Variants in VWA3B observed in about 807,000 individuals in gnomAD.
VWA3B encodes the protein von Willebrand factor A domain-containing protein 3B.
A neutral mutation model predicts 158.3 loss-of-function variants in VWA3B; 138 were observed. That is an observed-to-expected ratio of 0.87 (90% CI 0.76 to 1.00). VWA3B has a LOEUF of 1.00. VWA3B is among the 50% of genes least tolerant of loss of function. The pLI is 0.00. For missense variants in VWA3B, 1,555 were observed against 1,565.1 expected (o/e 0.99, Z 0.11); for synonymous variants, 596 against 587.3 (o/e 1.01, Z -0.21).
At chr2:98,152,078 A>G (rs1284059953) in intron 7 of VWA3B, among the ~76,000 whole-genome samples, 1 of 152,230 alleles carries the variant, frequency 6.6e-6, no homozygotes, top group East Asian at 1.9e-4. Context: ...ATGGGAAATG[A>G]GTCCATCTGT....
chr2:98,229,990 T>C, intron 15 of VWA3B, 60 bp from the exon 16 acceptor site: 2 of 1,508,068 alleles, frequency 1.3e-6, no homozygotes, highest in Non-Finnish European at 1.8e-6. Flanking sequence ...TCTGCCTTCT[T>C]GATGGAAATT....
intron 6 of VWA3B, among the ~76,000 whole-genome samples, chr2:98,132,230 G>A (rs1675928539): frequency 6.6e-6 from 1 of 152,250 alleles, no homozygotes; most frequent in Admixed American, 6.5e-5. Flanking sequence ...TCCTGTCCAT[G>A]CTCTGGGCCT....
chr2:98,329,913 C>T, the VWA3B span, among the ~76,000 whole-genome samples: 1 of 152,148 alleles, frequency 6.6e-6, no homozygotes, highest in Non-Finnish European at 1.5e-5. Flanking sequence ...ACACATTTCA[C>T]TTTGGCTGGG....
At chr2:98,132,377 G>A (rs1291989750) in intron 6 of VWA3B, among the ~76,000 whole-genome samples, 3 of 152,160 alleles carry the variant, frequency 2.0e-5, no homozygotes, top group Non-Finnish European at 2.9e-5. Context: ...TTCTCCAGCT[G>A]CAAGTGGCAT....
chr2:98,270,056 C>A (rs1688102263), intron 21 of VWA3B, among the ~76,000 whole-genome samples: 1 of 152,220 alleles, frequency 6.6e-6, no homozygotes, highest in African/African-American at 2.4e-5. Flanking sequence ...GAAACAGAAT[C>A]CAGGACCTGG....
At chr2:98,205,874 A>G (rs570468345) in intron 12 of VWA3B, among the ~76,000 whole-genome samples, 8 of 152,312 alleles carry the variant, frequency 5.3e-5, no homozygotes, top group Non-Finnish European at 1.2e-4. Context: ...TGATTCCACT[A>G]TAGTCAGAGG....
chr2:98,144,591 G>C (rs913115403), intron 7 of VWA3B, among the ~76,000 whole-genome samples: 20 of 150,530 alleles, frequency 1.3e-4, no homozygotes, highest in Admixed American at 5.3e-4. Context: ...AATTGAAATG[G>C]AGTCTTGCTC....
At chr2:98,172,701 A>G (rs770006025) in intron 8 of VWA3B, among the ~76,000 whole-genome samples, 1 of 152,144 alleles carries the variant, frequency 6.6e-6, no homozygotes, top group Non-Finnish European at 1.5e-5. Context: ...GGAGGTGTCA[A>G]AAGTAAGCTC....
intron 8 of VWA3B, among the ~76,000 whole-genome samples, chr2:98,171,859 T>G (rs755802993): frequency 6.6e-6 from 1 of 152,102 alleles, no homozygotes; most frequent in Non-Finnish European, 1.5e-5. Flanking sequence ...GGGTGCTGAA[T>G]CGACAGTGAA....
In VWA3B at chr2:98,126,515, C is replaced by G. The variant is rs117628206; in HGVS notation, c.703-1724C>G. 5.1e-3 allele frequency among the ~76,000 whole-genome samples: 779 copies of G among 152,264 alleles called. 15 individuals carry two copies. In the East Asian group the frequency reaches 0.087, roughly 17 times the overall value. ...AAAACTCGGATAAATAATAGGCCTG[C>G]TAAGTGGAAGCCGTTTAAATGTGTC... On this transcript the variant is annotated intron_variant, in intron 5 of 27. Transcript: ENST00000477737.
intron 7 of VWA3B, among the ~76,000 whole-genome samples, chr2:98,139,024 G>A (rs979960883): frequency 1.3e-5 from 2 of 152,194 alleles, no homozygotes; most frequent in African/African-American, 2.4e-5. Flanking sequence ...AGCGGGAGCC[G>A]GGGCTGCGCG....
the VWA3B span, among the ~76,000 whole-genome samples, chr2:98,324,093 A>T: frequency 6.6e-6 from 1 of 152,202 alleles, no homozygotes; most frequent in Non-Finnish European, 1.5e-5. Flanking sequence ...GTATACAGAG[A>T]GAATAACAGC....
chr2:98,204,095 T>C (rs1357799519), intron 12 of VWA3B, among the ~76,000 whole-genome samples: 1 of 152,206 alleles, frequency 6.6e-6, no homozygotes, highest in Non-Finnish European at 1.5e-5. Flanking sequence ...CATCCTCAGA[T>C]TTTGGTGTCC....
intron 22 of VWA3B, among the ~76,000 whole-genome samples, chr2:98,281,272 G>A (rs1253973946): frequency 6.6e-6 from 1 of 152,186 alleles, no homozygotes; most frequent in Non-Finnish European, 1.5e-5. Flanking sequence ...AAAGGGAGTT[G>A]AATTATTCAC....
At chr2:98,328,828 A>T in the VWA3B span, among the ~76,000 whole-genome samples, 1 of 152,240 alleles carries the variant, frequency 6.6e-6, no homozygotes, top group Admixed American at 6.5e-5. Context: ...GAAACTAGGA[A>T]TCTTATTCTA....
At position 98,137,791 on chromosome 2, in the gene VWA3B, T is replaced by C. The variant is rs7575030; in HGVS notation, c.988+3852T>C. 2.8e-3 allele frequency among the ~76,000 whole-genome samples: 433 copies of C among 152,312 alleles called. 2 individuals carry two copies. The highest frequency in any genetic ancestry group is 9.7e-3 in the African/African-American group (403 of 41,570). On this transcript the variant is annotated intron_variant, in intron 7 of 27. Transcript: ENST00000477737. Reference sequence around the variant, plus strand: ...TTACAACTCTGAATTGAAAATGAAATAAATAGACTTAGAACATACTTGTTA... The same window carrying C: ...TTACAACTCTGAATTGAAAATGAAACAAATAGACTTAGAACATACTTGTTA...
intron 2 of VWA3B, among the ~76,000 whole-genome samples, chr2:98,104,554 G>A (rs764298314): frequency 3.3e-5 from 5 of 152,130 alleles, no homozygotes; most frequent in South Asian, 2.1e-4. Context: ...TTCCCATTAG[G>A]CTTCACCTCC....
intron 5 of VWA3B, among the ~76,000 whole-genome samples, chr2:98,123,883 C>A (rs922388043): frequency 1.3e-5 from 2 of 152,158 alleles, no homozygotes; most frequent in African/African-American, 4.8e-5. Flanking sequence ...CTAAGAAGAC[C>A]AAGGGGTTTT....
rs192539837 is a variant in VWA3B, at chr2:98,231,751, T to C, written c.2308+1544T>C. On this transcript the variant is annotated intron_variant, in intron 16 of 27. Transcript: ENST00000477737. ...AATGCTTTTTCTGTGTCAACTGATA[T>C]AGGCTTTTTCTTCTTTAGTCTATTG... Among the ~76,000 whole-genome samples the C allele has an allele frequency of 1.2e-3, 180 of 152,362 alleles. 4 individuals are homozygous for C. The East Asian group carries it at 0.029, about 24-fold the overall frequency.
Sources: gnomAD v4.1 joint callset for allele counts (sites outside exome capture counted in the v4.1 genomes callset) on GRCh38, gnomAD v4.1.1 for gene constraint, MANE v1.5 for transcripts, NCBI Gene and HGNC (gene_info 2026-07-23, HGNC 2026-07-21) for gene names.